The following PCDHA5 variants were observed in gnomAD, a reference collection of about 807,000 sequenced individuals.
PCDHA5 encodes the protein protocadherin alpha 5.
A neutral mutation model predicts 61.6 loss-of-function variants in PCDHA5; 43 were observed. That is an observed-to-expected ratio of 0.70 (90% CI 0.55 to 0.90). The LOEUF (loss-of-function observed/expected upper bound fraction) is 0.90, where lower values mean the gene tolerates loss of function less well. PCDHA5 is among the 40% of genes least tolerant of loss of function. The pLI, the probability that PCDHA5 is intolerant of heterozygous loss-of-function variation, is 0.00. For synonymous variants in PCDHA5, 627 were observed against 543.9 expected, an observed-to-expected ratio of 1.15 and a Z score of -2.13; for missense variants, 1,298 against 1,222.7, an observed-to-expected ratio of 1.06 and a Z score of -0.92.
At chr5:140,927,964 G>A in intron 1 of PCDHA5, 1 of 1,614,230 alleles carries the variant, frequency 6.2e-7, no homozygotes, top group South Asian at 1.1e-5. Context: ...CCCTGGCACA[G>A]TGATTGCTCT....
intron 1 of PCDHA5, chr5:140,968,434 C>T: frequency 6.8e-6 from 11 of 1,613,948 alleles, no homozygotes; most frequent in Non-Finnish European, 8.5e-6. Flanking sequence ...ACAAGGGGAG[C>T]CCACCACTGA....
chr5:140,912,851 A>C lies in PCDHA5; in HGVS notation c.2353-66098A>C, dbSNP rs564747882. ...TTTTATTAAATGCTTTTTCAGCATCAATTGAAATGATATATGGTTTTTGGT... is the reference window on the plus strand; with the variant it reads ...TTTTATTAAATGCTTTTTCAGCATCCATTGAAATGATATATGGTTTTTGGT... On this transcript the variant is annotated intron_variant, in intron 1 of 3. Coordinates refer to ENST00000529859, the MANE Select transcript of PCDHA5 (RefSeq NM_018908.3). Among the ~76,000 whole-genome samples, 3 of 152,328 alleles carry C rather than the reference A, an allele frequency of 2.0e-5. No individual in the cohort carries two copies. The South Asian group carries it at 6.2e-4, about 32-fold the overall frequency.
chr5:140,965,654 G>A (rs1194762396), intron 1 of PCDHA5, among the ~76,000 whole-genome samples: 5 of 152,150 alleles, frequency 3.3e-5, no homozygotes, highest in Non-Finnish European at 7.4e-5. Flanking sequence ...GAAAGAAAAT[G>A]TCTTGGGTGA....
At chr5:140,854,140 T>A (rs251357) in intron 1 of PCDHA5, 2 of 418,878 alleles carry the variant, frequency 4.8e-6, no homozygotes, top group Non-Finnish European at 3.0e-6. Flanking sequence ...TCAGCCCGGG[T>A]GACAGCAAGA....
Position 140,967,580 on chromosome 5 carries a change from C to T in PCDHA5, c.2353-11369C>T, listed in dbSNP as rs201304400. 42 of 1,614,122 alleles carry T rather than the reference C, an allele frequency of 2.6e-5. No homozygotes were observed. The East Asian group carries it at 4.7e-4, about 18-fold the overall frequency. ...CGTCCAGCTACGGGAGGACTCACCC[C>T]CAGGCACATTGGTGGTGAAGCTGAA... On this transcript the variant is annotated intron_variant, in intron 1 of 3. Transcript: ENST00000529859.
rs191892568 is a variant in PCDHA5, at chr5:140,903,945, C to T, written c.2353-75004C>T. 2.6e-5 allele frequency among the ~76,000 whole-genome samples: 4 copies of T among 152,280 alleles called. No homozygotes were observed. In the East Asian group the frequency reaches 5.8e-4, roughly 22 times the overall value. ...TGCATTGGATAATACCTCTTAAATA[C>T]TGGAAAATTATTTGTTGATTTTTGG... On this transcript the variant is annotated intron_variant, in intron 1 of 3. Transcript: ENST00000529859.
chr5:140,824,274 A>C, intron 1 of PCDHA5, 147 bp downstream of exon 1: 1 of 1,155,556 alleles, frequency 8.7e-7, no homozygotes, highest in Middle Eastern at 2.0e-4. Context: ...CATGTATTAT[A>C]TGCTTTTTAT....
intron 2 of PCDHA5, among the ~76,000 whole-genome samples, chr5:140,979,725 G>A (rs2096861699): frequency 6.6e-6 from 1 of 152,136 alleles, no homozygotes; most frequent in South Asian, 2.1e-4. Context: ...CCATGCCATG[G>A]GGCCAAATAA....
chr5:140,870,891 G>A, intron 1 of PCDHA5: 2 of 1,613,964 alleles, frequency 1.2e-6, no homozygotes, highest in Non-Finnish European at 1.7e-6. Flanking sequence ...TGCGCGCAGT[G>A]GATGCGGACT....
At chr5:140,938,876 AAC>A (rs142461507) in intron 1 of PCDHA5, among the ~76,000 whole-genome samples, 10 of 151,120 alleles carry the variant, frequency 6.6e-5, no homozygotes, top group Non-Finnish European at 1.3e-4. Flanking sequence ...GTTAAGAAGC[AAC>A]ACACACACAC....
chr5:140,835,781 G>C (rs1447627598), intron 1 of PCDHA5: 3 of 1,613,162 alleles, frequency 1.9e-6, no homozygotes, highest in Non-Finnish European at 2.5e-6. Context: ...TCGTGAAGGA[G>C]AACAACCCGC....
chr5:140,905,722 T>A (rs1326323051), intron 1 of PCDHA5, among the ~76,000 whole-genome samples: 1 of 152,206 alleles, frequency 6.6e-6, no homozygotes, highest in Non-Finnish European at 1.5e-5. Context: ...AGCAGTGTTT[T>A]GTAGTTTTCC....
At chr5:140,991,247 T>C (rs1211585397) in intron 3 of PCDHA5, among the ~76,000 whole-genome samples, 1 of 152,200 alleles carries the variant, frequency 6.6e-6, no homozygotes, top group Non-Finnish European at 1.5e-5. Flanking sequence ...AAAGGCAGTA[T>C]TTGAACTCAT....
intron 1 of PCDHA5, among the ~76,000 whole-genome samples, chr5:140,918,875 T>G (rs1283138930): frequency 2.0e-5 from 3 of 152,188 alleles, no homozygotes; most frequent in African/African-American, 7.2e-5. Context: ...CTTTCAAGCC[T>G]CTAGAACAGT....
intron 1 of PCDHA5, among the ~76,000 whole-genome samples, chr5:140,873,027 A>C (rs2054049034): frequency 6.6e-6 from 1 of 152,184 alleles, no homozygotes; most frequent in South Asian, 2.1e-4. Flanking sequence ...TATTCTTACT[A>C]CACGTAGAGT....
chr5:140,902,114 A>G (rs2069112413), intron 1 of PCDHA5, among the ~76,000 whole-genome samples: 1 of 151,286 alleles, frequency 6.6e-6, no homozygotes. Flanking sequence ...TTTTTTTAAA[A>G]CTGAGATTAT....
intron 1 of PCDHA5, chr5:140,862,283 C>T (rs565843609): frequency 1.5e-5 from 4 of 263,874 alleles, no homozygotes; most frequent in African/African-American, 8.7e-5. Flanking sequence ...ATTCCCTGTA[C>T]AGGAGGACGC....
chr5:140,866,445 T>G (rs2049364254), intron 1 of PCDHA5: 1 of 152,140 alleles, frequency 6.6e-6, no homozygotes, highest in South Asian at 2.1e-4. Flanking sequence ...TCTTCAGTCT[T>G]ATTGTTGGCT....
intron 1 of PCDHA5, chr5:140,871,341 C>G (rs2053000377): frequency 6.2e-7 from 1 of 1,614,188 alleles, no homozygotes; most frequent in African/African-American, 1.3e-5. Context: ...CGGTGGGGAG[C>G]TGGTCATACT....
Sources: gnomAD v4.1 joint callset for allele counts (sites outside exome capture counted in the v4.1 genomes callset) on GRCh38, gnomAD v4.1.1 for gene constraint, MANE v1.5 for transcripts, NCBI Gene and HGNC (gene_info 2026-07-23, HGNC 2026-07-21) for gene names.